AK4: variants seen among roughly 807,000 people sequenced by gnomAD.
The protein encoded by AK4 is adenylate kinase 4, mitochondrial.
Under a neutral mutation model 24.6 loss-of-function variants are expected in AK4, and 13 were observed. The observed-to-expected ratio is 0.53, with a 90% CI of 0.34 to 0.84. AK4 has a LOEUF of 0.84. Ranked by LOEUF, AK4 falls within the 40% of genes least tolerant of loss-of-function variation. AK4 has a pLI of 0.01. For missense variants in AK4, 192 were observed against 288.2 expected, an observed-to-expected ratio of 0.67 and a Z score of 2.42; for synonymous variants, 88 against 107.0, an observed-to-expected ratio of 0.82 and a Z score of 1.10.
In AK4 at chr1:65,188,079, A is replaced by AGGG. The variant is rs1651163087; in HGVS notation, c.146-2629_146-2628insGGG. 3.3e-5 allele frequency among the ~76,000 whole-genome samples: 5 copies of AGGG among 152,208 alleles called. No individual in the cohort carries two copies. In the South Asian group the frequency reaches 1.0e-3, roughly 32 times the overall value. The stretch of plus-strand genomic sequence containing the variant: ...GGTACAGACTCAGTCTGGGGAGGCA[A>AGGG]GGCTTCTACCTAAATTAAAGGTGAA... On this transcript the variant is annotated intron_variant, in intron 1 of 4. Transcript: ENST00000327299.
intron 2 of AK4, among the ~76,000 whole-genome samples, chr1:65,209,545 C>A (rs927556986): frequency 6.6e-6 from 1 of 152,154 alleles, no homozygotes; most frequent in Non-Finnish European, 1.5e-5. Flanking sequence ...TGGATAATGA[C>A]CCTCAGCTAA....
Position 65,172,100 on chromosome 1 carries a change from TATA to T in AK4, c.146-18609_146-18607del, listed in dbSNP as rs1557444596. On this transcript the variant is annotated intron_variant, in intron 1 of 4. Transcript: ENST00000327299. ...ATATATATATATATATATATATATATATATTTAAACTCATTACACTTCCCAAAT... is the reference window on the plus strand; with the variant it reads ...ATATATATATATATATATATATATATTTTAAACTCATTACACTTCCCAAAT... Among the ~76,000 whole-genome samples, 59 of 102,472 alleles carry T rather than the reference TATA, an allele frequency of 5.8e-4. 3 individuals are homozygous for T. The highest frequency in any genetic ancestry group is 2.1e-3 in the East Asian group (7 of 3,354). The allele number at this position is 102,472 out of a possible 152,430, so 67.2% of individuals were successfully genotyped here.
At chr1:65,161,486 G>A (rs1017302549) in intron 1 of AK4, among the ~76,000 whole-genome samples, 17 of 152,166 alleles carry the variant, frequency 1.1e-4, no homozygotes, top group Non-Finnish European at 1.9e-4. Context: ...TGTACCTTTT[G>A]CCTGTAATGC....
chr1:65,223,004 T>A (rs974755188), intron 3 of AK4, among the ~76,000 whole-genome samples: 29 of 152,094 alleles, frequency 1.9e-4, no homozygotes, highest in Middle Eastern at 3.4e-3. Flanking sequence ...GTTTTTTTTT[T>A]AATTATAATT....
At chr1:65,151,476 T>C (rs1463467327) in intron 1 of AK4, among the ~76,000 whole-genome samples, 2 of 152,118 alleles carry the variant, frequency 1.3e-5, no homozygotes, top group Admixed American at 6.5e-5. Context: ...CCCAGGCTGG[T>C]CTCAAACTCT....
At chr1:65,199,565 G>GA (rs375901437) in intron 2 of AK4, among the ~76,000 whole-genome samples, 1,688 of 148,580 alleles carry the variant, frequency 0.011, 6 homozygotes, top group Non-Finnish European at 0.017. Context: ...TCTCAAAAAA[G>GA]AAAAAAAAAA....
At chr1:65,167,895 G>A (rs1325445831) in intron 1 of AK4, among the ~76,000 whole-genome samples, 1 of 152,086 alleles carries the variant, frequency 6.6e-6, no homozygotes, top group Admixed American at 6.6e-5. Context: ...TCAGTCTTTT[G>A]TTGTCACATA....
chr1:65,189,885 A>G (rs1373572478), intron 1 of AK4, among the ~76,000 whole-genome samples: 3 of 152,302 alleles, frequency 2.0e-5, no homozygotes, highest in Non-Finnish European at 2.9e-5. Flanking sequence ...CTGCTTTTAC[A>G]ATTGTGTCAG....
At chr1:65,152,434 ACT>A (rs1368716846) in intron 1 of AK4, among the ~76,000 whole-genome samples, 1 of 100,866 alleles carries the variant, frequency 9.9e-6, no homozygotes, top group Non-Finnish European at 1.8e-5. Context: ...CCGGAGTCTC[ACT>A]CTGTCACCCA....
chr1:65,171,546 C>T (rs1366177870), intron 1 of AK4, among the ~76,000 whole-genome samples: 1 of 151,926 alleles, frequency 6.6e-6, no homozygotes, highest in Admixed American at 6.5e-5. Context: ...ACCTCCTGAT[C>T]TGCCCACCTC....
At chr1:65,223,236 C>T (rs140596941) in intron 3 of AK4, among the ~76,000 whole-genome samples, 3 of 151,522 alleles carry the variant, frequency 2.0e-5, no homozygotes, top group Admixed American at 2.0e-4. Context: ...GCTCTGTCAC[C>T]CAGGCTGGAG....
intron 1 of AK4, among the ~76,000 whole-genome samples, chr1:65,178,578 G>A (rs547741492): frequency 6.6e-6 from 1 of 152,294 alleles, no homozygotes; most frequent in African/African-American, 2.4e-5. Context: ...AACTCTCAAG[G>A]TAAGATAGGA....
rs1652526383 is a variant in AK4, at chr1:65,228,255, A to C, written c.*2078A>C. 6.6e-6 allele frequency: 1 copy of C among 150,854 alleles called. No homozygotes were observed. The highest frequency in any genetic ancestry group is 1.5e-5 in the Non-Finnish European group (1 of 67,652). The allele number at this position is 150,854 out of a possible 1,614,324, so 9.3% of individuals were successfully genotyped here. On this transcript the variant is annotated 3_prime_UTR_variant, in exon 5 of 5. Transcript: ENST00000327299. ...GTATGTGATTTTTGGAAACAGGAAAATCTTCAAACTTCTTTCTTCACTTCC... is the reference window on the plus strand; with the variant it reads ...GTATGTGATTTTTGGAAACAGGAAACTCTTCAAACTTCTTTCTTCACTTCC...
chr1:65,161,272 T>G (rs1650149373), intron 1 of AK4, among the ~76,000 whole-genome samples: 3 of 152,138 alleles, frequency 2.0e-5, no homozygotes, highest in Non-Finnish European at 4.4e-5. Flanking sequence ...TTATTATTCA[T>G]TTGTCCCATT....
chr1:65,157,659 C>T (rs1650025038), intron 1 of AK4, among the ~76,000 whole-genome samples: 1 of 152,030 alleles, frequency 6.6e-6, no homozygotes, highest in South Asian at 2.1e-4. Flanking sequence ...TGTGGTTTTA[C>T]ACACCTGTAG....
At chr1:65,224,057 TG>T (rs1652379187) in intron 3 of AK4, among the ~76,000 whole-genome samples, 1 of 152,202 alleles carries the variant, frequency 6.6e-6, no homozygotes, top group Non-Finnish European at 1.5e-5. Context: ...GTATATTTTT[TG>T]TTTTACATTG....
At chr1:65,207,523 C>A (rs762573763) in intron 2 of AK4, among the ~76,000 whole-genome samples, 13 of 150,434 alleles carry the variant, frequency 8.6e-5, no homozygotes, top group Non-Finnish European at 1.3e-4. Context: ...GCATAAACTT[C>A]AGTTGCTGAC....
At chr1:65,170,191 C>T (rs1320647320) in intron 1 of AK4, among the ~76,000 whole-genome samples, 1 of 151,942 alleles carries the variant, frequency 6.6e-6, no homozygotes, top group Non-Finnish European at 1.5e-5. Context: ...GGTGAAACCC[C>T]GTCTACTAAA....
At chr1:65,174,256 C>A (rs1463956668) in intron 1 of AK4, among the ~76,000 whole-genome samples, 1 of 152,048 alleles carries the variant, frequency 6.6e-6, no homozygotes, top group Non-Finnish European at 1.5e-5. Context: ...AAAGCATAGG[C>A]AGATGTTTTG....
Sources: allele counts gnomAD v4.1 joint callset (sites outside exome capture counted in the v4.1 genomes callset), GRCh38; gene constraint gnomAD v4.1.1; transcripts MANE v1.5; gene names NCBI Gene and HGNC (gene_info 2026-07-23, HGNC 2026-07-21).